IFNGR2: variants seen among roughly 807,000 people sequenced by gnomAD.
IFNGR2 encodes the protein IFN-gamma receptor 2.
IFNGR2 carries 15 observed loss-of-function variants against 41.1 expected under a neutral mutation model. The ratio of observed to expected loss-of-function variants is 0.37; its 90% confidence interval spans 0.24 to 0.56. The LOEUF (loss-of-function observed/expected upper bound fraction) is 0.56. Ranked by LOEUF, IFNGR2 falls within the 20% of genes least tolerant of loss-of-function variation. The probability of loss-of-function intolerance (pLI) is 0.81; values close to 1 mark genes in which losing one functional copy is unlikely to be tolerated. For synonymous variants in IFNGR2, 161 were observed against 171.6 expected, an observed-to-expected ratio of 0.94 and a Z score of 0.48; for missense variants, 362 against 415.7, an observed-to-expected ratio of 0.87 and a Z score of 1.12.
upstream of IFNGR2, chr21:33,402,964 T>G: frequency 7.3e-6 from 1 of 137,126 alleles, no homozygotes; most frequent in Non-Finnish European, 1.6e-5. Flanking sequence ...TGACTCCGTC[T>G]CAAAAAAAAG....
intron 4 of IFNGR2, among the ~76,000 whole-genome samples, chr21:33,431,795 C>A (rs1385375282): frequency 6.6e-6 from 1 of 152,220 alleles, no homozygotes; most frequent in Non-Finnish European, 1.5e-5. Flanking sequence ...GGTCTCTTAA[C>A]TCCTGACCTC....
intron 4 of IFNGR2, among the ~76,000 whole-genome samples, chr21:33,427,842 A>G: frequency 2.5e-5 from 1 of 39,454 alleles, no homozygotes; most frequent in East Asian, 1.3e-3. Flanking sequence ...ATCTCATTTC[A>G]TCTTTTTTTT....
chr21:33,421,813 A>C, intron 3 of IFNGR2, 128 bp downstream of exon 3: 1 of 796,380 alleles, frequency 1.3e-6, no homozygotes, highest in Non-Finnish European at 2.2e-6. Context: ...TAGGACAGTC[A>C]AACCCACACT....
At chr21:33,430,910 G>GA (rs763369479) in intron 4 of IFNGR2, among the ~76,000 whole-genome samples, 3 of 152,074 alleles carry the variant, frequency 2.0e-5, no homozygotes, top group Non-Finnish European at 4.4e-5. Flanking sequence ...CTCAAAATTA[G>GA]AAAACAGTTC....
intron 1 of IFNGR2, among the ~76,000 whole-genome samples, chr21:33,413,372 G>A (rs375952522): frequency 1.2e-4 from 18 of 152,282 alleles, no homozygotes; most frequent in African/African-American, 4.3e-4. Flanking sequence ...AGGTGTGGAG[G>A]GGAGGGGCAT....
chr21:33,408,600 T>C (rs1459608087), intron 1 of IFNGR2, among the ~76,000 whole-genome samples: 1 of 152,188 alleles, frequency 6.6e-6, no homozygotes, highest in Non-Finnish European at 1.5e-5. Flanking sequence ...CATTCACCTC[T>C]TCACTGGTTG....
chr21:33,417,100 T>A, intron 2 of IFNGR2, among the ~76,000 whole-genome samples: 1 of 151,572 alleles, frequency 6.6e-6, no homozygotes, highest in Non-Finnish European at 1.5e-5. Context: ...AACTTCTTTT[T>A]TTTTTTTCTG....
Position 33,432,887 on chromosome 21 carries a change from T to A in IFNGR2, c.879+16T>A, listed in dbSNP as rs2083903499. ...GATAGAAGAGGTACGTGTGCACACATCTCTTTTTTTTTTTTTGAGACAGGG... is the reference window on the plus strand; with the variant it reads ...GATAGAAGAGGTACGTGTGCACACAACTCTTTTTTTTTTTTTGAGACAGGG... On this transcript the variant is annotated intron_variant, in intron 6 of 6. Transcript: ENST00000290219. 7 of 1,396,940 alleles carry A rather than the reference T, an allele frequency of 5.0e-6. No individual in the cohort carries two copies. Among genetic ancestry groups the A allele is most frequent in the Non-Finnish European group, 5.9e-6 (6 of 1,019,472 alleles). 86.5% of individuals were successfully genotyped at this position (1,396,940 alleles called of 1,614,324 possible). A position where few individuals can be genotyped will look rare whatever the true frequency, so the allele number is the denominator to read the frequency against.
At chr21:33,431,034 G>A (rs1276972327) in intron 4 of IFNGR2, among the ~76,000 whole-genome samples, 1 of 152,178 alleles carries the variant, frequency 6.6e-6, no homozygotes, top group Non-Finnish European at 1.5e-5. Flanking sequence ...ACCAGGTGGG[G>A]AGGCAGCAAG....
At position 33,429,429 on chromosome 21, in the gene IFNGR2, T is replaced by C. The variant is rs139873838; in HGVS notation, c.561+2397T>C. 5.9e-3 allele frequency among the ~76,000 whole-genome samples: 897 copies of C among 152,260 alleles called. 8 individuals are homozygous for C. The highest frequency in any genetic ancestry group is 0.021 in the African/African-American group (853 of 41,554). On this transcript the variant is annotated intron_variant, in intron 4 of 6. Coordinates refer to ENST00000290219, the MANE Select transcript of IFNGR2 (RefSeq NM_005534.4). Reference sequence around the variant, plus strand: ...TCTCGGCTCACGGGTTCAAGAGATTTTCCTGTCTCAGCCTCCACATCTGTG... The same window carrying C: ...TCTCGGCTCACGGGTTCAAGAGATTCTCCTGTCTCAGCCTCCACATCTGTG...
intron 1 of IFNGR2, among the ~76,000 whole-genome samples, chr21:33,412,816 A>G (rs2083726642): frequency 6.6e-6 from 1 of 152,176 alleles, no homozygotes; most frequent in Non-Finnish European, 1.5e-5. Context: ...CAGCGTCCCA[A>G]AGTGCTGGGA....
intron 2 of IFNGR2, among the ~76,000 whole-genome samples, chr21:33,420,173 G>A (rs988109810): frequency 2.6e-5 from 4 of 152,152 alleles, no homozygotes; most frequent in Admixed American, 1.3e-4. Flanking sequence ...ATGCATCTTG[G>A]AGAGGGTCGG....
At chr21:33,417,623 A>G (rs2083762849) in intron 2 of IFNGR2, among the ~76,000 whole-genome samples, 1 of 152,232 alleles carries the variant, frequency 6.6e-6, no homozygotes, top group Non-Finnish European at 1.5e-5. Context: ...AAGTATTAAG[A>G]ATTTCAAGAT....
rs568176574 is a variant in IFNGR2 at position 33,415,100 on chromosome 21, T to C, written c.206+80T>C. On this transcript the variant is annotated intron_variant, in intron 2 of 6. Coordinates refer to ENST00000290219, the MANE Select transcript of IFNGR2 (RefSeq NM_005534.4). ...AACCCTGGGGCCACATACTAGTCCC[T>C]GCCTCTGTGCAGGGTTTGTTATCAA... 1.3e-5 allele frequency: 20 copies of C among 1,505,808 alleles called. No homozygotes were observed. The South Asian group carries it at 2.2e-4, about 16-fold the overall frequency. The allele number at this position is 1,505,808 out of a possible 1,614,324, so 93.3% of individuals were successfully genotyped here.
chr21:33,436,710 A>T, intron 6 of IFNGR2, 118 bp from the exon 7 acceptor site: 200 of 719,250 alleles, frequency 2.8e-4, no homozygotes, highest in Non-Finnish European at 4.2e-4. Context: ...CAAGAGTAAG[A>T]CTCCATCTCA....
intron 3 of IFNGR2, among the ~76,000 whole-genome samples, chr21:33,424,516 G>C (rs2083819890): frequency 6.6e-6 from 1 of 152,118 alleles, no homozygotes; most frequent in African/African-American, 2.4e-5. Context: ...TGTCACATCT[G>C]CCACTTTCAC....
chr21:33,417,827 G>C (rs1248588278), intron 2 of IFNGR2, among the ~76,000 whole-genome samples: 1 of 151,762 alleles, frequency 6.6e-6, no homozygotes, highest in Non-Finnish European at 1.5e-5. Context: ...TGGGCTCCTT[G>C]GCCTTGAACA....
At chr21:33,414,439 G>A (rs1309167809) in intron 1 of IFNGR2, among the ~76,000 whole-genome samples, 3 of 152,228 alleles carry the variant, frequency 2.0e-5, no homozygotes, top group African/African-American at 2.4e-5. Flanking sequence ...TGAAGCTAAC[G>A]CGTGTCACAT....
In IFNGR2 at chr21:33,437,125, GC is replaced by G. The variant is rs2083963465; in HGVS notation, c.*164del. The G allele has an allele frequency of 1.7e-6, 1 of 575,558 alleles. No individual in the cohort carries two copies. Among genetic ancestry groups the G allele is most frequent in the Non-Finnish European group, 3.0e-6 (1 of 330,594 alleles). 35.7% of individuals were successfully genotyped at this position (575,558 alleles called of 1,614,324 possible). On this transcript the variant is annotated 3_prime_UTR_variant, in exon 7 of 7. Coordinates refer to ENST00000290219, the MANE Select transcript of IFNGR2 (RefSeq NM_005534.4). ...ACAGCAGGTCTCATGGGGGTGACAA[GC>G]TTTTTTTTTTTTTCTTAAAGAATTT...
Sources: gnomAD v4.1 joint callset for allele counts (sites outside exome capture counted in the v4.1 genomes callset) on GRCh38, gnomAD v4.1.1 for gene constraint, MANE v1.5 for transcripts, NCBI Gene and HGNC (gene_info 2026-07-23, HGNC 2026-07-21) for gene names.